Variants in PPP2R1B observed in about 807,000 individuals in gnomAD.
PPP2R1B encodes the protein protein phosphatase 2 scaffold subunit Abeta, also known as serine/threonine-protein phosphatase 2A 65 kDa regulatory subunit A beta isoform.
PPP2R1B carries 58 observed loss-of-function variants against 72.7 expected under a neutral mutation model. The observed-to-expected ratio is 0.80, with a 90% CI of 0.65 to 0.99. The LOEUF (loss-of-function observed/expected upper bound fraction) is 0.99. Ranked by LOEUF, PPP2R1B falls within the 50% of genes least tolerant of loss-of-function variation. The pLI is 0.00. For missense variants in PPP2R1B, 695 were observed against 733.6 expected (o/e 0.95, Z 0.61); for synonymous variants, 256 against 264.6 (o/e 0.97, Z 0.32).
chr11:111,699,547 G>A, the PPP2R1B span, among the ~76,000 whole-genome samples: 3 of 152,210 alleles, frequency 2.0e-5, no homozygotes, highest in Non-Finnish European at 4.4e-5. Flanking sequence ...AAGCTTGAAA[G>A]TGATAAAACT....
At chr11:111,765,437 G>C (rs1945490196) in intron 1 of PPP2R1B, 53 bp from the exon 2 acceptor site, 1 of 1,434,188 alleles carries the variant, frequency 7.0e-7, no homozygotes, top group African/African-American at 1.4e-5. Context: ...GCTGAATTTA[G>C]ATCAAAAGAC....
chr11:111,722,010 C>A, downstream of PPP2R1B: 2 of 1,212,984 alleles, frequency 1.6e-6, no homozygotes, highest in Non-Finnish European at 1.1e-6. This position sits in a 1 kb window ranked among gnomAD's most constrained non-coding sequence, Gnocchi z 4.4. Flanking sequence ...AAAGCAGAAA[C>A]GTGTTTTGCC....
At position 111,741,482 on chromosome 11, in the gene PPP2R1B, T is replaced by C; in HGVS notation, c.*114A>G. ...AATGATTTCTTCTAAGTTGTTGCCA[T>C]TTGCTTGGATGAGATCTTGAAGGTT... On this transcript the variant is annotated 3_prime_UTR_variant, in exon 15 of 15. Coordinates refer to ENST00000527614, the MANE Select transcript of PPP2R1B (RefSeq NM_002716.5). 2 of 1,515,896 alleles carry C rather than the reference T, an allele frequency of 1.3e-6. No individual in the cohort carries two copies. Among genetic ancestry groups the C allele is most frequent in the East Asian group, 4.7e-5 (2 of 42,836 alleles). The allele number at this position is 1,515,896 out of a possible 1,614,324, so 93.9% of individuals were successfully genotyped here. A position where few individuals can be genotyped will look rare whatever the true frequency, so the allele number is the denominator to read the frequency against.
the PPP2R1B span, chr11:111,712,123 AG>A: frequency 7.7e-7 from 1 of 1,305,600 alleles, no homozygotes; most frequent in Non-Finnish European, 1.1e-6. Context: ...TAATTGCCAC[AG>A]GAAGAATTAT....
intron 3 of PPP2R1B, among the ~76,000 whole-genome samples, chr11:111,762,604 G>A (rs573350305): frequency 1.4e-5 from 2 of 148,034 alleles, no homozygotes; most frequent in East Asian, 2.0e-4. Context: ...TGCCCAGGCT[G>A]AAGTGCAGTG....
At chr11:111,720,402 C>T in the PPP2R1B span, 1 of 1,411,426 alleles carries the variant, frequency 7.1e-7, no homozygotes, top group Non-Finnish European at 9.6e-7. Context: ...AAAACTCAAG[C>T]TGGTTATGCT....
chr11:111,719,769 G>T, the PPP2R1B span: 2 of 1,611,880 alleles, frequency 1.2e-6, no homozygotes, highest in Non-Finnish European at 1.7e-6. Context: ...CTCCCCTGGC[G>T]TTTAGGTCAA....
the PPP2R1B span, among the ~76,000 whole-genome samples, chr11:111,706,794 T>G: frequency 6.6e-6 from 1 of 151,954 alleles, no homozygotes; most frequent in Non-Finnish European, 1.5e-5. Context: ...ACCCCGTCTC[T>G]ACTAAAAATA....
chr11:111,760,724 TA>T, intron 4 of PPP2R1B, 94 bp downstream of exon 4: 1 of 1,084,504 alleles, frequency 9.2e-7, no homozygotes, highest in Non-Finnish European at 1.4e-6. Context: ...AGGTACTATG[TA>T]AATTGTCAGC....
the PPP2R1B span, among the ~76,000 whole-genome samples, chr11:111,697,543 TGTAA>T: frequency 1.3e-5 from 2 of 152,336 alleles, no homozygotes; most frequent in Admixed American, 1.3e-4. Context: ...CTTCATGAAA[TGTAA>T]GTGTTGTCCC....
chr11:111,763,364 T>C (rs1390108852), intron 3 of PPP2R1B, among the ~76,000 whole-genome samples: 1 of 152,178 alleles, frequency 6.6e-6, no homozygotes, highest in Admixed American at 6.5e-5. Flanking sequence ...ATGATAATCC[T>C]ACAGAGGCGG....
chr11:111,755,147 G>C, intron 6 of PPP2R1B, 53 bp from the exon 7 acceptor site: 1 of 1,547,218 alleles, frequency 6.5e-7, no homozygotes, highest in Non-Finnish European at 8.8e-7. Flanking sequence ...GAATTAACAA[G>C]AACAAAACAA....
chr11:111,760,792 A>C (rs782365369), intron 4 of PPP2R1B, 27 bp downstream of exon 4: 3 of 1,598,814 alleles, frequency 1.9e-6, no homozygotes, highest in Non-Finnish European at 2.6e-6. Context: ...TTCTGCTTTA[A>C]CAAGGCAAAA....
chr11:111,729,101 G>A (rs980883445), intron 15 of PPP2R1B: 2 of 152,256 alleles, frequency 1.3e-5, no homozygotes, highest in African/African-American at 2.4e-5. Flanking sequence ...AAGCAGTGGA[G>A]CCTCTCACCT....
rs938941882 is a variant in PPP2R1B, at chr11:111,739,595, C to T, written c.*2001G>A. Reference sequence around the variant, plus strand: ...AGGGTAGAGAAGTCAATGCTTAGGGCTCCTCACTGGGAGACACAAGGGCAT... The same window carrying T: ...AGGGTAGAGAAGTCAATGCTTAGGGTTCCTCACTGGGAGACACAAGGGCAT... On this transcript the variant is annotated 3_prime_UTR_variant, in exon 15 of 15. Coordinates refer to ENST00000527614, the MANE Select transcript of PPP2R1B (RefSeq NM_002716.5). The T allele has an allele frequency of 7.1e-6, 7 of 985,346 alleles. No homozygotes were observed. Among genetic ancestry groups the T allele is most frequent in the Non-Finnish European group, 8.4e-6 (7 of 829,936 alleles). 61.0% of individuals were successfully genotyped at this position (985,346 alleles called of 1,614,324 possible).
chr11:111,742,322 A>G, intron 13 of PPP2R1B, 178 bp from the exon 14 acceptor site: 1 of 675,982 alleles, frequency 1.5e-6, no homozygotes, highest in Non-Finnish European at 2.3e-6. Context: ...AGCTTCAGAC[A>G]AGGATCTACA....
rs375210792 is a variant in PPP2R1B at position 111,755,312 on chromosome 11, C to G, written c.826G>C (p.Ala276Pro). The G allele has an allele frequency of 2.5e-6, 4 of 1,607,300 alleles. No homozygotes were observed. The highest frequency in any genetic ancestry group is 3.4e-6 in the Non-Finnish European group (4 of 1,178,290). ...CACTTTACCTCTGAAAATCTGTCAGCCACCATATAGCGAACGCGCCAAGAT... is the reference window on the plus strand; with the variant it reads ...CACTTTACCTCTGAAAATCTGTCAGGCACCATATAGCGAACGCGCCAAGAT... The part of the protein sequence containing the change: ...DKSWRVRYMV[A>P]DRFSELQKAM... Residue 276 changes from alanine to proline, a missense_variant, in exon 6 of 15, where the codon GCT becomes CCT. By Grantham distance (27) the Ala-to-Pro change is conservative. Coordinates refer to ENST00000527614, the MANE Select transcript of PPP2R1B (RefSeq NM_002716.5).
At position 111,740,384 on chromosome 11, in the gene PPP2R1B, A is replaced by G; in HGVS notation, c.*1212T>C. 1.1e-6 allele frequency: 1 copy of G among 909,552 alleles called. No individual in the cohort carries two copies. The allele number at this position is 909,552 out of a possible 1,614,324, so 56.3% of individuals were successfully genotyped here. On this transcript the variant is annotated 3_prime_UTR_variant, in exon 15 of 15. Transcript: ENST00000527614. ...AGGTGTGTGCCACCACGCCCAGCTA[A>G]CTTTTTTGTATTTTTAGTAGAGATG...
chr11:111,705,789 G>A, the PPP2R1B span, among the ~76,000 whole-genome samples: 1 of 152,298 alleles, frequency 6.6e-6, no homozygotes, highest in Non-Finnish European at 1.5e-5. This position sits in a 1 kb window ranked among gnomAD's most constrained non-coding sequence, Gnocchi z 4.3. Flanking sequence ...AAATTCTATC[G>A]ATGCTTTAAG....
Sources: allele counts gnomAD v4.1 joint callset (sites outside exome capture counted in the v4.1 genomes callset), GRCh38; gene constraint gnomAD v4.1.1; non-coding constraint Gnocchi (gnomAD v3.1); transcripts MANE v1.5; gene names NCBI Gene and HGNC (gene_info 2026-07-23, HGNC 2026-07-21).